The following GRXCR1 variants were observed in gnomAD, a reference collection of about 807,000 sequenced individuals.
GRXCR1 encodes the protein glutaredoxin and cysteine rich domain containing 1.
In GRXCR1, 27 loss-of-function variants were observed where a neutral mutation model predicts 27.3. The observed-to-expected ratio is 0.99, with a 90% CI of 0.73 to 1.37. GRXCR1 has a LOEUF of 1.37. Among genes scored for constraint, GRXCR1 ranks in the 40% most tolerant of loss-of-function variants. The probability of loss-of-function intolerance (pLI) is 0.00; values close to 1 mark genes in which losing one functional copy is unlikely to be tolerated. For synonymous variants in GRXCR1, 122 were observed against 131.1 expected, an observed-to-expected ratio of 0.93 and a Z score of 0.47; for missense variants, 379 against 354.4, an observed-to-expected ratio of 1.07 and a Z score of -0.56.
At chr4:42,968,761 C>T (rs980280692) in intron 2 of GRXCR1, among the ~76,000 whole-genome samples, 17 of 152,014 alleles carry the variant, frequency 1.1e-4, no homozygotes, top group Admixed American at 1.0e-3. Flanking sequence ...GAAGGAAGTT[C>T]CTTTTCAAAG....
chr4:42,978,900 G>A (rs1014626393), intron 2 of GRXCR1, among the ~76,000 whole-genome samples: 1 of 151,970 alleles, frequency 6.6e-6, no homozygotes, highest in Non-Finnish European at 1.5e-5. Context: ...TTTTGTGATA[G>A]TGAGTGAGTT....
intron 2 of GRXCR1, among the ~76,000 whole-genome samples, chr4:42,991,469 C>CAT (rs1209809854): frequency 2.8e-5 from 4 of 143,030 alleles, no homozygotes; most frequent in South Asian, 2.1e-4. Context: ...TACACACACA[C>CAT]ATACATATAT....
chr4:42,973,274 T>C (rs1748430168), intron 2 of GRXCR1, among the ~76,000 whole-genome samples: 1 of 152,178 alleles, frequency 6.6e-6, no homozygotes, highest in South Asian at 2.1e-4. Flanking sequence ...ACAACAAGGT[T>C]GTATTGTCAG....
chr4:42,913,384 T>A (rs537448575), intron 1 of GRXCR1, among the ~76,000 whole-genome samples: 17 of 152,106 alleles, frequency 1.1e-4, no homozygotes, highest in African/African-American at 4.1e-4. Context: ...CAGATGGAGA[T>A]GAGAAACTTC....
chr4:42,908,546 T>C (rs1321722756), intron 1 of GRXCR1, among the ~76,000 whole-genome samples: 4 of 152,176 alleles, frequency 2.6e-5, no homozygotes, highest in Admixed American at 1.3e-4. Flanking sequence ...TTTTCTTGTA[T>C]TTTAGCCTGC....
chr4:42,915,958 C>T (rs1269170664), intron 1 of GRXCR1, among the ~76,000 whole-genome samples: 1 of 151,904 alleles, frequency 6.6e-6, no homozygotes, highest in Non-Finnish European at 1.5e-5. Flanking sequence ...ACAATGCCAT[C>T]TTGACTGGAC....
In GRXCR1 at chr4:42,899,910, G is replaced by A. The variant is rs80011550; in HGVS notation, c.384+6260G>A. Among the ~76,000 whole-genome samples the A allele has an allele frequency of 3.0e-4, 46 of 152,236 alleles. 1 individual carries two copies. The East Asian group carries it at 7.4e-3, about 24-fold the overall frequency. ...AATTCTGGCTTTAGAACAACCTGCT[G>A]AGCAAAGTCACAGATTCCACAATAT... On this transcript the variant is annotated intron_variant, in intron 1 of 3. Transcript: ENST00000399770.
At chr4:42,969,565 A>G (rs1475923418) in intron 2 of GRXCR1, among the ~76,000 whole-genome samples, 1 of 152,088 alleles carries the variant, frequency 6.6e-6, no homozygotes, top group Non-Finnish European at 1.5e-5. Context: ...AGAGAGAGGG[A>G]TCGAGAGAGC....
chr4:43,024,967 G>A lies in GRXCR1; in HGVS notation c.693+4548G>A, dbSNP rs1001174801. Among the ~76,000 whole-genome samples the A allele has an allele frequency of 2.6e-5, 4 of 152,040 alleles. No individual in the cohort carries two copies. In the East Asian group the frequency reaches 7.7e-4, roughly 29 times the overall value. The stretch of plus-strand genomic sequence containing the variant: ...CTTCCTCTTTGATAGGATACTTAAC[G>A]GACTTTCAAGCTCTATTGGAATAGG... On this transcript the variant is annotated intron_variant, in intron 3 of 3. Transcript: ENST00000399770.
intron 1 of GRXCR1, among the ~76,000 whole-genome samples, chr4:42,904,236 A>G (rs769645425): frequency 1.3e-5 from 2 of 152,178 alleles, no homozygotes; most frequent in Admixed American, 6.5e-5. Context: ...GGCAGTGCCC[A>G]AAGCCCTTCA....
chr4:42,962,803 G>A, intron 1 of GRXCR1, 89 bp from the exon 2 acceptor site: 1 of 1,468,750 alleles, frequency 6.8e-7, no homozygotes, highest in Non-Finnish European at 9.5e-7. Context: ...TTTATTGCAT[G>A]GCTTTAACGC....
chr4:42,996,178 G>A (rs1712149346), intron 2 of GRXCR1, among the ~76,000 whole-genome samples: 1 of 152,166 alleles, frequency 6.6e-6, no homozygotes, highest in Admixed American at 6.6e-5. Context: ...AATTATTATG[G>A]AAGTGAAGTG....
chr4:42,941,192 G>A (rs1747611865), intron 1 of GRXCR1, among the ~76,000 whole-genome samples: 1 of 104,852 alleles, frequency 9.5e-6, no homozygotes, highest in South Asian at 3.3e-4. Flanking sequence ...CTAGCTGTAA[G>A]TGAGGTCCCT....
At chr4:42,914,347 T>C (rs1746837372) in intron 1 of GRXCR1, among the ~76,000 whole-genome samples, 1 of 152,244 alleles carries the variant, frequency 6.6e-6, no homozygotes, top group African/African-American at 2.4e-5. Flanking sequence ...ATCAGCATGA[T>C]CTGGATGTGA....
At chr4:42,986,951 T>G (rs1288109158) in intron 2 of GRXCR1, among the ~76,000 whole-genome samples, 2 of 151,228 alleles carry the variant, frequency 1.3e-5, no homozygotes, top group African/African-American at 2.4e-5. Context: ...GGGTAAAAGA[T>G]TTTTAAACAC....
At position 42,893,361 on chromosome 4, in the gene GRXCR1, T is replaced by C. The variant is rs1246576319; in HGVS notation, c.95T>C (p.Val32Ala). The change falls in exon 1 of 4, where the codon GTG (valine) becomes GCG (alanine). Residue 32 changes from valine (V) to alanine (A), a missense_variant. Physicochemically the swap from Val to Ala is moderately conservative, Grantham distance 64. Transcript: ENST00000399770. ...CACAGTGGGCGAGTTCTGAAGGAAG[T>C]GTATGAAGATGGGCAACCGTCAGGC... ...SSHSGRVLKEVYEDGQPSGSL... is the reference protein window; with the variant it reads ...SSHSGRVLKEAYEDGQPSGSL... 3.1e-6 allele frequency: 5 copies of C among 1,613,608 alleles called. No individual in the cohort carries two copies. The African/African-American group carries it at 4.0e-5, about 13-fold the overall frequency.
chr4:42,967,164 AG>A (rs1748264829), intron 2 of GRXCR1, among the ~76,000 whole-genome samples: 2 of 152,224 alleles, frequency 1.3e-5, no homozygotes, highest in South Asian at 4.1e-4. Context: ...GTTATCTTCT[AG>A]GAGTGTTATA....
chr4:42,909,345 A>G (rs1746666687), intron 1 of GRXCR1, among the ~76,000 whole-genome samples: 1 of 152,164 alleles, frequency 6.6e-6, no homozygotes, highest in South Asian at 2.1e-4. Flanking sequence ...AAGACTACAA[A>G]TTAAGGCTCC....
chr4:43,025,312 A>G (rs1183406587), intron 3 of GRXCR1, among the ~76,000 whole-genome samples: 1 of 152,228 alleles, frequency 6.6e-6, no homozygotes, highest in Non-Finnish European at 1.5e-5. Context: ...ATGTACTACT[A>G]GGAAAGCAGA....
Sources: allele counts gnomAD v4.1 joint callset (sites outside exome capture counted in the v4.1 genomes callset), GRCh38; gene constraint gnomAD v4.1.1; transcripts MANE v1.5; gene names NCBI Gene and HGNC (gene_info 2026-07-23, HGNC 2026-07-21).